The following RCAN2 variants were observed in gnomAD, a reference collection of about 807,000 sequenced individuals.
RCAN2 encodes calcipressin-2.
A neutral mutation model predicts 23.6 loss-of-function variants in RCAN2; 9 were observed. The observed-to-expected ratio is 0.38, with a 90% CI of 0.23 to 0.67. RCAN2 has a LOEUF of 0.67. RCAN2 is among the 30% of genes least tolerant of loss of function. The pLI is 0.51. For missense variants in RCAN2, 273 were observed against 302.3 expected, an observed-to-expected ratio of 0.90 and a Z score of 0.72; for synonymous variants, 109 against 115.7, an observed-to-expected ratio of 0.94 and a Z score of 0.37.
intron 2 of RCAN2, among the ~76,000 whole-genome samples, chr6:46,290,871 A>C (rs1274732091): frequency 6.6e-6 from 1 of 152,234 alleles, no homozygotes; most frequent in Non-Finnish European, 1.5e-5. Flanking sequence ...AAATTACAAC[A>C]TTTATTGGTA....
chr6:46,322,144 T>A (rs1763638061), intron 2 of RCAN2, among the ~76,000 whole-genome samples: 1 of 152,200 alleles, frequency 6.6e-6, no homozygotes, highest in African/African-American at 2.4e-5. Flanking sequence ...ATCTCTTGGA[T>A]CTCTTTCATT....
chr6:46,405,351 C>T (rs936597545), intron 2 of RCAN2, among the ~76,000 whole-genome samples: 1 of 152,078 alleles, frequency 6.6e-6, no homozygotes, highest in Non-Finnish European at 1.5e-5. Context: ...GGGACCCGAG[C>T]GGGTTGCCAC....
At chr6:46,292,914 C>T (rs886333819) in intron 2 of RCAN2, among the ~76,000 whole-genome samples, 1 of 152,102 alleles carries the variant, frequency 6.6e-6, no homozygotes, top group African/African-American at 2.4e-5. Context: ...TGATGTTCCC[C>T]TCCCTGTGTC....
Position 46,471,382 on chromosome 6 carries a change from C to A in RCAN2, c.-2-14404G>T, listed in dbSNP as rs1211260037. ...ATGGTGATAGAGACCAAAGAGGTGG[C>A]AGTAGAAACAGAATCAGTAGGAACT... is the stretch of plus-strand genomic sequence containing the variant. On this transcript the variant is annotated intron_variant, in intron 1 of 4. Coordinates refer to ENST00000371374, the MANE Select transcript of RCAN2 (RefSeq NM_001251974.2). 2.6e-5 allele frequency among the ~76,000 whole-genome samples: 4 copies of A among 152,100 alleles called. No individual in the cohort carries two copies. The East Asian group carries it at 7.7e-4, about 29-fold the overall frequency.
At chr6:46,408,237 A>T (rs1766455747) in intron 2 of RCAN2, among the ~76,000 whole-genome samples, 1 of 152,044 alleles carries the variant, frequency 6.6e-6, no homozygotes, top group Non-Finnish European at 1.5e-5. Flanking sequence ...GCTCTACATA[A>T]TTTTGCTCAG....
chr6:46,313,778 T>G lies in RCAN2; in HGVS notation c.226-64882A>C, dbSNP rs188335188. ...ATACTTCCTGACTACATCAAAGAGG[T>G]GTTATGAGGCAACATTCATTCAAAG... On this transcript the variant is annotated intron_variant, in intron 2 of 4. Coordinates refer to ENST00000371374, the MANE Select transcript of RCAN2 (RefSeq NM_001251974.2). 3.3e-5 allele frequency among the ~76,000 whole-genome samples: 5 copies of G among 152,248 alleles called. No homozygotes were observed. In the East Asian group the frequency reaches 9.7e-4, roughly 29 times the overall value.
At chr6:46,262,177 A>G (rs1767131512) in intron 2 of RCAN2, among the ~76,000 whole-genome samples, 1 of 151,846 alleles carries the variant, frequency 6.6e-6, no homozygotes, top group African/African-American at 2.4e-5. Context: ...TGGGGCCTCT[A>G]AATCTGCCAC....
chr6:46,321,306 G>T (rs531785627), intron 2 of RCAN2, among the ~76,000 whole-genome samples: 22 of 152,274 alleles, frequency 1.4e-4, no homozygotes, highest in African/African-American at 5.3e-4. Flanking sequence ...TTCATTGTCT[G>T]CATCTCATGT....
rs549955926 is a variant in RCAN2, at chr6:46,452,693, G to A, written c.225+4059C>T. On this transcript the variant is annotated intron_variant, in intron 2 of 4. Coordinates refer to ENST00000371374, the MANE Select transcript of RCAN2 (RefSeq NM_001251974.2). ...AGAAAGATACTACCCTCATAGGGTT[G>A]TCATGACAAGTAAAGGACTCATGTT... Among the ~76,000 whole-genome samples the A allele has an allele frequency of 4.6e-5, 7 of 152,296 alleles. No homozygotes were observed. The South Asian group carries it at 1.5e-3, about 32-fold the overall frequency.
At chr6:46,395,280 A>G (rs907029306) in intron 2 of RCAN2, among the ~76,000 whole-genome samples, 10 of 152,156 alleles carry the variant, frequency 6.6e-5, no homozygotes, top group African/African-American at 1.9e-4. Context: ...GGGAAAGATA[A>G]GATGCAAGCT....
At chr6:46,400,186 GC>G (rs1009104354) in intron 2 of RCAN2, among the ~76,000 whole-genome samples, 10 of 152,274 alleles carry the variant, frequency 6.6e-5, no homozygotes, top group African/African-American at 2.4e-4. Flanking sequence ...TGAGGGGGCT[GC>G]CCAGCTTTCA....
chr6:46,223,067 T>A lies in RCAN2; in HGVS notation c.*74A>T. On this transcript the variant is annotated 3_prime_UTR_variant, in exon 5 of 5. Transcript: ENST00000371374. The stretch of plus-strand genomic sequence containing the variant: ...CAAACACCCAGGAATTTAAAGGCAA[T>A]TTTTTTTGACAAACAACAGGGGGAA... The A allele has an allele frequency of 6.9e-7, 1 of 1,454,816 alleles. No homozygotes were observed. Among genetic ancestry groups the A allele is most frequent in the African/African-American group, 1.4e-5 (1 of 70,386 alleles). 90.1% of individuals were successfully genotyped at this position (1,454,816 alleles called of 1,614,324 possible). A position where few individuals can be genotyped will look rare whatever the true frequency, so the allele number is the denominator to read the frequency against.
chr6:46,351,597 C>T (rs1764647551), intron 2 of RCAN2, among the ~76,000 whole-genome samples: 1 of 152,178 alleles, frequency 6.6e-6, no homozygotes, highest in South Asian at 2.1e-4. Flanking sequence ...TTAATAGCTC[C>T]TCTAGTAAAC....
intron 2 of RCAN2, among the ~76,000 whole-genome samples, chr6:46,267,226 ATGT>A (rs1767364170): frequency 6.6e-6 from 1 of 152,234 alleles, no homozygotes; most frequent in African/African-American, 2.4e-5. Context: ...GAAAGGAATA[ATGT>A]TGTTCTTTTT....
At chr6:46,441,938 A>T (rs1037969288) in intron 2 of RCAN2, among the ~76,000 whole-genome samples, 18 of 152,230 alleles carry the variant, frequency 1.2e-4, no homozygotes, top group Admixed American at 2.6e-4. Context: ...ACTGGCACTC[A>T]GCCCATCTAT....
intron 2 of RCAN2, among the ~76,000 whole-genome samples, chr6:46,366,630 T>C (rs1765178075): frequency 6.6e-6 from 1 of 152,144 alleles, no homozygotes; most frequent in African/African-American, 2.4e-5. Flanking sequence ...CTTTGATATC[T>C]AATCTGGCTT....
chr6:46,475,505 A>G (rs1249967000), intron 1 of RCAN2, among the ~76,000 whole-genome samples: 1 of 152,238 alleles, frequency 6.6e-6, no homozygotes, highest in East Asian at 1.9e-4. Context: ...CTTGAAGGGA[A>G]GTGAAGAAGG....
chr6:46,461,585 T>TTTTTTTTC (rs1491367446), intron 1 of RCAN2, among the ~76,000 whole-genome samples: 2 of 54,806 alleles, frequency 3.6e-5, no homozygotes, highest in Non-Finnish European at 1.1e-4. Context: ...CTTTTTTTTC[T>TTTTTTTTC]TTTTTTTTTT....
intron 2 of RCAN2, among the ~76,000 whole-genome samples, chr6:46,394,953 A>C (rs1766046958): frequency 6.6e-6 from 1 of 152,168 alleles, no homozygotes; most frequent in African/African-American, 2.4e-5. Flanking sequence ...GTAAGAAAAA[A>C]ACCCATGAAT....
Sources: gnomAD v4.1 joint callset for allele counts (sites outside exome capture counted in the v4.1 genomes callset) on GRCh38, gnomAD v4.1.1 for gene constraint, MANE v1.5 for transcripts, NCBI Gene and HGNC (gene_info 2026-07-23, HGNC 2026-07-21) for gene names.